The following SSUH2 variants were observed in gnomAD, a reference collection of about 807,000 sequenced individuals.
SSUH2 encodes protein SSUH2 homolog.
A neutral mutation model predicts 55.3 loss-of-function variants in SSUH2; 47 were observed. That is an observed-to-expected ratio of 0.85 (90% confidence interval 0.67 to 1.08). The LOEUF is 1.08. Ranked by LOEUF, SSUH2 falls within the 50% of genes least tolerant of loss-of-function variation. SSUH2 has a pLI of 0.00. For synonymous variants in SSUH2, 212 were observed against 191.5 expected, an observed-to-expected ratio of 1.11 and a Z score of -0.89; for missense variants, 535 against 490.7, an observed-to-expected ratio of 1.09 and a Z score of -0.85.
At chr3:8,648,930 T>C (rs1354970675), upstream of SSUH2, among the ~76,000 whole-genome samples, 3 of 152,128 alleles carry the variant, frequency 2.0e-5, no homozygotes, top group Admixed American at 1.3e-4. Flanking sequence ...TAGTGAGTGC[T>C]GGGCTGCCCT....
At chr3:8,623,679 C>T in intron 10 of SSUH2, 23 bp from the exon 11 acceptor site, 1 of 1,297,882 alleles carries the variant, frequency 7.7e-7, no homozygotes, top group East Asian at 2.7e-5. Context: ...GAGAGAGACA[C>T]AGACCACCTG....
At chr3:8,621,155 C>G (rs1466188162) in intron 11 of SSUH2, among the ~76,000 whole-genome samples, 1 of 152,148 alleles carries the variant, frequency 6.6e-6, no homozygotes, top group African/African-American at 2.4e-5. Flanking sequence ...TCCTGTGGGC[C>G]GGGCTCTGTG....
chr3:8,633,733 C>G lies in SSUH2; in HGVS notation c.272G>C (p.Cys91Ser). Reference protein sequence around the residue: ...EALLSFVDSKCCYSSTVAGDL... With the variant: ...EALLSFVDSKSCYSSTVAGDL... ...TCCAGCCACCGTGCTGCTGTAGCAG[C>G]ACTTAGAGTCCACAAAGCTGAGGAG... Residue 91 changes from cysteine to serine, a missense_variant, in exon 4 of 12, where the codon TGC (cysteine) becomes TCC (serine). Physicochemically the swap from Cys to Ser is moderately radical, Grantham distance 112. Transcript: ENST00000544814. 2 of 1,597,208 alleles carry G rather than the reference C, an allele frequency of 1.3e-6. No homozygotes were observed. Among genetic ancestry groups the G allele is most frequent in the Non-Finnish European group, 8.5e-7 (1 of 1,170,748 alleles).
chr3:8,626,525 G>T (rs1379516781), intron 8 of SSUH2, among the ~76,000 whole-genome samples: 8 of 123,780 alleles, frequency 6.5e-5, no homozygotes, highest in African/African-American at 2.5e-4. Context: ...AGCCCACATG[G>T]CTCTAGGGCC....
rs1344989655 is a variant in SSUH2, at chr3:8,677,689, C to G, written c.-900-336G>C. Among the ~76,000 whole-genome samples the G allele has an allele frequency of 2.7e-5, 4 of 150,850 alleles. 1 individual carries two copies. The highest frequency in any genetic ancestry group is 5.9e-5 in the Non-Finnish European group (4 of 67,858). ...GTCTCTAAACAACTAGACAGGGTTT[C>G]TAAAGGATTGCCCCCCTGTTTTAGG... is the stretch of plus-strand genomic sequence containing the variant. On this transcript the variant is annotated intron_variant, in intron 2 of 18. Coordinates refer to the SSUH2 transcript ENST00000317371.
intron 1 of SSUH2, among the ~76,000 whole-genome samples, chr3:8,680,456 T>C (rs749526895): frequency 5.9e-5 from 9 of 152,142 alleles, no homozygotes; most frequent in East Asian, 1.9e-4. Flanking sequence ...GGTATACACC[T>C]GTCTGTACTG....
At chr3:8,667,209 G>T (rs1256904153) in intron 5 of SSUH2, among the ~76,000 whole-genome samples, 2 of 152,178 alleles carry the variant, frequency 1.3e-5, no homozygotes, top group Non-Finnish European at 2.9e-5. Flanking sequence ...GGAGTGGATT[G>T]TTCATGAGTT....
At chr3:8,672,326 T>TC (rs1386701028) in intron 3 of SSUH2, among the ~76,000 whole-genome samples, 1 of 151,928 alleles carries the variant, frequency 6.6e-6, no homozygotes, top group Non-Finnish European at 1.5e-5. Flanking sequence ...AATATTATCC[T>TC]CCCCCGCCCT....
chr3:8,644,585 T>C, intron 1 of SSUH2, 146 bp downstream of exon 1: 3 of 756,318 alleles, frequency 4.0e-6, no homozygotes, highest in Non-Finnish European at 6.7e-6. Context: ...GATGGAAGAG[T>C]TCACACAGTG....
chr3:8,681,058 G>A (rs372066107), intron 1 of SSUH2, among the ~76,000 whole-genome samples: 20 of 122,738 alleles, frequency 1.6e-4, no homozygotes, highest in Non-Finnish European at 2.8e-4. Flanking sequence ...CTCTTCCCCC[G>A]CTGGCTCTTA....
intron 5 of SSUH2, among the ~76,000 whole-genome samples, chr3:8,667,097 A>C (rs1480341275): frequency 6.6e-6 from 1 of 152,214 alleles, no homozygotes; most frequent in African/African-American, 2.4e-5. Context: ...GTTTTTTAAG[A>C]AAGTAAAGGG....
chr3:8,625,852 T>C (rs1243766851), intron 9 of SSUH2, among the ~76,000 whole-genome samples: 1 of 152,210 alleles, frequency 6.6e-6, no homozygotes, highest in Admixed American at 6.5e-5. Flanking sequence ...CATTACCTCA[T>C]TTCATCTTTG....
intron 7 of SSUH2, among the ~76,000 whole-genome samples, chr3:8,650,670 C>A (rs1702292684): frequency 6.6e-6 from 1 of 152,194 alleles, no homozygotes; most frequent in Non-Finnish European, 1.5e-5. Context: ...GGAAGGAGTT[C>A]AGTTTGACCC....
intron 9 of SSUH2, 51 bp from the exon 10 acceptor site, chr3:8,625,698 A>G (rs1473422950): frequency 1.5e-6 from 2 of 1,329,398 alleles, no homozygotes; most frequent in South Asian, 1.2e-5. Context: ...GCAGGTTAAA[A>G]GCATGGCCTT....
At chr3:8,669,161 T>C (rs1704277001) in intron 5 of SSUH2, among the ~76,000 whole-genome samples, 1 of 152,210 alleles carries the variant, frequency 6.6e-6, no homozygotes, top group Non-Finnish European at 1.5e-5. Context: ...TTTTAATTAT[T>C]TGTACTCTGT....
intron 5 of SSUH2, among the ~76,000 whole-genome samples, chr3:8,670,505 T>C (rs1271064231): frequency 4.0e-5 from 6 of 151,862 alleles, no homozygotes; most frequent in Non-Finnish European, 7.4e-5. Flanking sequence ...AGCATGCCCC[T>C]AGGATATTAG....
In SSUH2 at chr3:8,632,867, A is replaced by C. The variant is rs369898264; in HGVS notation, c.340-758T>G. ...GGAGCTGAAGTCTAGTGGCAGGTAGATGAACCTCTCTCAGCCCATGCCTTG... is the reference window on the plus strand; with the variant it reads ...GGAGCTGAAGTCTAGTGGCAGGTAGCTGAACCTCTCTCAGCCCATGCCTTG... On this transcript the variant is annotated intron_variant, in intron 4 of 11. Transcript: ENST00000544814. Among the ~76,000 whole-genome samples the C allele has an allele frequency of 2.3e-3, 343 of 152,324 alleles. 2 individuals are homozygous for C. The highest frequency in any genetic ancestry group is 7.8e-3 in the African/African-American group (323 of 41,574).
intron 3 of SSUH2, among the ~76,000 whole-genome samples, chr3:8,676,843 GC>G (rs1342025149): frequency 6.7e-6 from 1 of 149,852 alleles, no homozygotes; most frequent in Non-Finnish European, 1.5e-5. Context: ...TCCCCACCTG[GC>G]CCTTAGGACC....
chr3:8,656,895 GAGAC>G (rs1702991630), intron 7 of SSUH2, among the ~76,000 whole-genome samples: 1 of 150,686 alleles, frequency 6.6e-6, no homozygotes. Flanking sequence ...TTGTTTGTTT[GAGAC>G]AGAGTCTCAC....
Sources: gnomAD v4.1 joint callset for allele counts (sites outside exome capture counted in the v4.1 genomes callset) on GRCh38, gnomAD v4.1.1 for gene constraint, MANE v1.5 for transcripts, NCBI Gene and HGNC (gene_info 2026-07-23, HGNC 2026-07-21) for gene names.